The following CCDC178 variants were observed in gnomAD, a reference collection of about 807,000 sequenced individuals.
CCDC178 encodes the protein coiled-coil domain-containing protein 178.
Under a neutral mutation model 117.4 loss-of-function variants are expected in CCDC178, and 126 were observed. The observed-to-expected ratio is 1.07, with a 90% CI of 0.93 to 1.24. The LOEUF (loss-of-function observed/expected upper bound fraction) is 1.24, where lower values mean the gene tolerates loss of function less well. CCDC178 is among the 50% of genes most tolerant of loss of function. CCDC178 has a pLI of 0.00. For synonymous variants in CCDC178, 283 were observed against 313.4 expected, an observed-to-expected ratio of 0.90 and a Z score of 1.02; for missense variants, 1,030 against 986.9, an observed-to-expected ratio of 1.04 and a Z score of -0.59.
intron 20 of CCDC178, among the ~76,000 whole-genome samples, chr18:33,140,592 T>C (rs941965451): frequency 9.2e-5 from 14 of 152,274 alleles, no homozygotes; most frequent in African/African-American, 3.1e-4. Context: ...TTTGGAAAAT[T>C]TGTCCCACTA....
intron 20 of CCDC178, among the ~76,000 whole-genome samples, chr18:33,193,369 A>T (rs1040349906): frequency 6.6e-6 from 1 of 152,002 alleles, no homozygotes; most frequent in Non-Finnish European, 1.5e-5. Flanking sequence ...GAGGAAAAAA[A>T]CTAAAATTAT....
At chr18:33,347,828 A>G (rs548416775) in intron 8 of CCDC178, among the ~76,000 whole-genome samples, 1 of 152,140 alleles carries the variant, frequency 6.6e-6, no homozygotes, top group Non-Finnish European at 1.5e-5. Context: ...GTAACTTGAG[A>G]TGCCTCAAAT....
chr18:33,241,929 G>A (rs1029115580), intron 15 of CCDC178, among the ~76,000 whole-genome samples: 30 of 151,558 alleles, frequency 2.0e-4, no homozygotes, highest in African/African-American at 6.5e-4. Flanking sequence ...CTTAAAATGT[G>A]TATGGAACCC....
chr18:32,987,791 G>C (rs1425996111), intron 21 of CCDC178, among the ~76,000 whole-genome samples: 1 of 152,102 alleles, frequency 6.6e-6, no homozygotes, highest in Non-Finnish European at 1.5e-5. Flanking sequence ...AGACATTTAT[G>C]AGTAAAGTTA....
chr18:32,996,093 C>T (rs1167446541), intron 21 of CCDC178, among the ~76,000 whole-genome samples: 6 of 151,660 alleles, frequency 4.0e-5, no homozygotes, highest in African/African-American at 1.2e-4. Flanking sequence ...AAAAAGTGAG[C>T]TTTCCTTTAT....
chr18:33,130,038 C>T (rs1421171198), intron 20 of CCDC178, among the ~76,000 whole-genome samples: 6 of 151,790 alleles, frequency 4.0e-5, no homozygotes, highest in Admixed American at 3.9e-4. Flanking sequence ...GAAACAGATT[C>T]ATATTTAATG....
intron 14 of CCDC178, among the ~76,000 whole-genome samples, chr18:33,248,779 C>T (rs2059580975): frequency 6.6e-6 from 1 of 152,006 alleles, no homozygotes; most frequent in Admixed American, 6.6e-5. Flanking sequence ...CAGGTATATA[C>T]CCAGTAATGG....
At chr18:33,158,304 T>C (rs1048102450) in intron 20 of CCDC178, among the ~76,000 whole-genome samples, 1 of 152,106 alleles carries the variant, frequency 6.6e-6, no homozygotes, top group Non-Finnish European at 1.5e-5. Flanking sequence ...GCTATGAAAA[T>C]ACTTGTAGCC....
chr18:33,152,752 ACTGCTATACCCTCAT>A (rs903757953), intron 20 of CCDC178, among the ~76,000 whole-genome samples: 9 of 152,158 alleles, frequency 5.9e-5, no homozygotes, highest in Non-Finnish European at 2.9e-5. Context: ...GCAAAAGTGG[ACTGCTATACCCTCAT>A]CTTTTCTCAG....
intron 12 of CCDC178, among the ~76,000 whole-genome samples, chr18:33,280,497 T>C (rs1462539036): frequency 6.6e-6 from 1 of 151,760 alleles, no homozygotes; most frequent in African/African-American, 2.4e-5. Context: ...ACTTTTACAC[T>C]GTTGGTGGGA....
chr18:33,363,579 T>C (rs2063158495), intron 6 of CCDC178, among the ~76,000 whole-genome samples: 1 of 152,022 alleles, frequency 6.6e-6, no homozygotes, highest in Non-Finnish European at 1.5e-5. Flanking sequence ...TATGGATCAG[T>C]GAAAGCCCTA....
intron 20 of CCDC178, among the ~76,000 whole-genome samples, chr18:33,160,390 A>G (rs913211813): frequency 2.0e-5 from 3 of 152,048 alleles, no homozygotes; most frequent in African/African-American, 7.2e-5. Context: ...AATCTGTGTG[A>G]TTCAATTTAA....
At chr18:33,247,596 T>C (rs1176927535) in intron 14 of CCDC178, among the ~76,000 whole-genome samples, 1 of 151,876 alleles carries the variant, frequency 6.6e-6, no homozygotes, top group Non-Finnish European at 1.5e-5. Context: ...GCACACACAA[T>C]ATATATGTGT....
intron 5 of CCDC178, among the ~76,000 whole-genome samples, chr18:33,374,523 T>C (rs2063340216): frequency 6.6e-6 from 1 of 152,332 alleles, no homozygotes; most frequent in African/African-American, 2.4e-5. Context: ...CTAGAATTTA[T>C]ACATTGCTAG....
Position 33,080,776 on chromosome 18 carries a change from C to T in CCDC178, c.2388+11985G>A, listed in dbSNP as rs118083519. 3.7e-3 allele frequency among the ~76,000 whole-genome samples: 559 copies of T among 152,182 alleles called. 4 individuals are homozygous for T. The highest frequency in any genetic ancestry group is 6.1e-3 in the Non-Finnish European group (412 of 68,000). On this transcript the variant is annotated intron_variant, in intron 21 of 22. Coordinates refer to ENST00000383096, the MANE Select transcript of CCDC178 (RefSeq NM_001105528.4). Reference sequence around the variant, plus strand: ...AATAGAACAAAAATGATAATGATATCTGTAATTGGTCAACATTTATGATAT... The same window carrying T: ...AATAGAACAAAAATGATAATGATATTTGTAATTGGTCAACATTTATGATAT...
At chr18:33,354,608 ATTT>A (rs749999694) in intron 7 of CCDC178, among the ~76,000 whole-genome samples, 13 of 138,476 alleles carry the variant, frequency 9.4e-5, no homozygotes, top group African/African-American at 2.6e-4. Context: ...CAGTTCCAGA[ATTT>A]TTTTTTTTTT....
At chr18:33,333,943 T>C (rs1444680675) in intron 9 of CCDC178, among the ~76,000 whole-genome samples, 1 of 152,196 alleles carries the variant, frequency 6.6e-6, no homozygotes, top group Non-Finnish European at 1.5e-5. Context: ...TGTTGTATGG[T>C]CAATGTATAT....
chr18:32,982,340 T>A (rs1215162653), intron 21 of CCDC178, among the ~76,000 whole-genome samples: 2 of 152,156 alleles, frequency 1.3e-5, no homozygotes, highest in African/African-American at 4.8e-5. Flanking sequence ...AAATACCATA[T>A]GTATAGTTAT....
intron 20 of CCDC178, among the ~76,000 whole-genome samples, chr18:33,143,805 C>A (rs1483363103): frequency 2.0e-5 from 3 of 152,040 alleles, no homozygotes; most frequent in East Asian, 1.9e-4. Context: ...ATCAGAATTT[C>A]TTTCATTCCT....
Sources: allele counts gnomAD v4.1 joint callset (sites outside exome capture counted in the v4.1 genomes callset), GRCh38; gene constraint gnomAD v4.1.1; transcripts MANE v1.5; gene names NCBI Gene and HGNC (gene_info 2026-07-23, HGNC 2026-07-21).